FTMT: variants seen among roughly 807,000 people sequenced by gnomAD.
FTMT encodes the protein ferritin, mitochondrial.
In FTMT, 5 loss-of-function variants were observed where a neutral mutation model predicts 4.9. The observed-to-expected ratio is 1.03, with a 90% CI of 0.54 to 2.16. FTMT has a LOEUF of 2.16. FTMT is among the 30% of genes most tolerant of loss of function. The pLI is 0.01. For missense variants in FTMT, 393 were observed against 323.0 expected (o/e 1.22, Z -1.66); for synonymous variants, 174 against 143.6 (o/e 1.21, Z -1.51).
rs761517211 is a variant in FTMT, at chr5:121,851,915, C to A, written c.-49C>A. ...CTGACGCCTCCAGCGCCCGACCCCA[C>A]GCCAAGAGGGCCGGGCCTCAGTTTC... On this transcript the variant is annotated 5_prime_UTR_variant, in exon 1 of 1. Coordinates refer to ENST00000321339, the MANE Select transcript of FTMT (RefSeq NM_177478.2). 5 of 1,525,276 alleles carry A rather than the reference C, an allele frequency of 3.3e-6. No individual in the cohort carries two copies. In the Admixed American group the frequency reaches 6.0e-5, roughly 18 times the overall value. The allele number at this position is 1,525,276 out of a possible 1,614,324, so 94.5% of individuals were successfully genotyped here. A position where few individuals can be genotyped will look rare whatever the true frequency, so the allele number is the denominator to read the frequency against.
Position 121,852,380 on chromosome 5 carries a change from G to T in FTMT, c.417G>T (p.Arg139=), listed in dbSNP as rs1713864610. ...GGCTGCAGAACCAGCGAGGAGGCCG[G>T]ATCCGCCTGCAGGACATCAAGAAGC... ...LMRLQNQRGG[R]IRLQDIKKPE... The change falls in exon 1 of 1, where the codon CGG becomes CGT. Residue 139 remains arginine, a synonymous_variant. Transcript: ENST00000321339. The T allele has an allele frequency of 6.8e-6, 11 of 1,614,034 alleles. No homozygotes were observed. Among genetic ancestry groups the T allele is most frequent in the African/African-American group, 1.3e-5 (1 of 74,926 alleles).
In FTMT at chr5:121,852,332, C is replaced by G; in HGVS notation, c.369C>G (p.Thr123=). 5 of 1,614,144 alleles carry G rather than the reference C, an allele frequency of 3.1e-6. No homozygotes were observed. The highest frequency in any genetic ancestry group is 4.2e-6 in the Non-Finnish European group (5 of 1,180,028). ...TCCTTCACCAGTCCCGGGAGGAGAC[C>G]GAGCACGCGGAGAAGCTGATGAGGC... ...RYFLHQSREE[T]EHAEKLMRLQ... is the part of the protein sequence containing the mutation. Residue 123 remains threonine, a synonymous_variant, in exon 1 of 1, where the codon ACC becomes ACG. Transcript: ENST00000321339.
Position 121,852,224 on chromosome 5 carries a change from G to T in FTMT, c.261G>T (p.Glu87Asp). The T allele has an allele frequency of 6.2e-7, 1 of 1,614,162 alleles. No individual in the cohort carries two copies. The highest frequency in any genetic ancestry group is 8.5e-7 in the Non-Finnish European group (1 of 1,180,018). Residue 87 changes from glutamate (E) to aspartate (D), a missense_variant, in exon 1 of 1, where the codon GAG (glutamate) becomes GAT (aspartate). Transcript: ENST00000321339. ...CCATCAACCGCCAGATCAACCTCGA[G>T]CTCTATGCGTCCTACGTGTACTTGT... is the stretch of plus-strand genomic sequence containing the variant. ...EAAINRQINL[E>D]LYASYVYLSM...
chr5:121,852,583 A>G lies in FTMT; in HGVS notation c.620A>G (p.Glu207Gly). Reference protein sequence around the residue: ...YLNEQVKSIKELGDHVHNLVK... With the variant: ...YLNEQVKSIKGLGDHVHNLVK... The stretch of plus-strand genomic sequence containing the variant: ...AATGAGCAGGTGAAGTCTATCAAAG[A>G]ACTAGGTGACCACGTGCACAACTTA... Residue 207 changes from glutamate (E) to glycine (G), a missense_variant, in exon 1 of 1, where the codon GAA (glutamate) becomes GGA (glycine). Physicochemically the swap from Glu to Gly is moderately conservative, Grantham distance 98. Transcript: ENST00000321339. 1 of 1,614,054 alleles carries G rather than the reference A, an allele frequency of 6.2e-7. No homozygotes were observed.
Position 121,852,259 on chromosome 5 carries a change from A to G in FTMT, c.296A>G (p.Tyr99Cys). The G allele has an allele frequency of 1.9e-6, 3 of 1,613,980 alleles. No individual in the cohort carries two copies. Among genetic ancestry groups the G allele is most frequent in the Non-Finnish European group, 2.5e-6 (3 of 1,179,984 alleles). ...YASYVYLSMA[Y>C]YFSRDDVALN... ...TCCTACGTGTACTTGTCCATGGCCTATTACTTCTCCCGGGATGACGTGGCC... is the reference window on the plus strand; with the variant it reads ...TCCTACGTGTACTTGTCCATGGCCTGTTACTTCTCCCGGGATGACGTGGCC... The change falls in exon 1 of 1, where the codon TAT (tyrosine) becomes TGT (cysteine). Residue 99 changes from tyrosine (Y) to cysteine (C), a missense_variant. By Grantham distance (194) the Tyr-to-Cys change is radical (BLOSUM62 -2). Transcript: ENST00000321339.
rs1358233721 is a variant in FTMT, at chr5:121,852,452, T to C, written c.489T>C (p.Ala163=). Residue 163 remains alanine (A), a synonymous_variant, in exon 1 of 1, where the codon GCT becomes GCC. Transcript: ENST00000321339. ...GCGGGCTGCATGCCATGGAGTGTGC[T>C]CTACTCTTGGAAAAGAACGTGAACC... is the stretch of plus-strand genomic sequence containing the variant. ...WESGLHAMEC[A]LLLEKNVNQS... The C allele has an allele frequency of 2.5e-6, 4 of 1,614,080 alleles. No individual in the cohort carries two copies. The highest frequency in any genetic ancestry group is 2.7e-5 in the African/African-American group (2 of 75,008).
Position 121,852,202 on chromosome 5 carries a change from T to A in FTMT, c.239T>A (p.Ile80Asn). 3.7e-6 allele frequency: 6 copies of A among 1,614,018 alleles called. No individual in the cohort carries two copies. Among genetic ancestry groups the A allele is most frequent in the Non-Finnish European group, 5.1e-6 (6 of 1,179,956 alleles). The change falls in exon 1 of 1, where the codon ATC becomes AAC. Residue 80 changes from isoleucine to asparagine, a missense_variant. Coordinates refer to ENST00000321339, the MANE Select transcript of FTMT (RefSeq NM_177478.2). ...QNFHPDSEAAINRQINLELYA... is the reference protein window; with the variant it reads ...QNFHPDSEAANNRQINLELYA... ...TTCCACCCCGACTCCGAGGCTGCCA[T>A]CAACCGCCAGATCAACCTCGAGCTC...
chr5:121,852,369 C>A lies in FTMT; in HGVS notation c.406C>A (p.Arg136=), dbSNP rs1436580280. The A allele has an allele frequency of 2.5e-6, 4 of 1,614,022 alleles. No homozygotes were observed. The highest frequency in any genetic ancestry group is 1.3e-5 in the African/African-American group (1 of 74,916). Residue 136 remains arginine, a synonymous_variant, in exon 1 of 1, where the codon CGA becomes AGA. Transcript: ENST00000321339. ...GAAGCTGATGAGGCTGCAGAACCAG[C>A]GAGGAGGCCGGATCCGCCTGCAGGA... ...AEKLMRLQNQ[R]GGRIRLQDIK...
Position 121,852,065 on chromosome 5 carries a change from G to C in FTMT, c.102G>C (p.Pro34=), listed in dbSNP as rs1428528606. The change falls in exon 1 of 1, where the codon CCG becomes CCC. Residue 34 remains proline, a synonymous_variant. Coordinates refer to ENST00000321339, the MANE Select transcript of FTMT (RefSeq NM_177478.2). The stretch of plus-strand genomic sequence containing the variant: ...TCGCGCTCCCGCTGCGTTGGGCCCC[G>C]GGGCGCCCCTTGGACCCCAGGCAGA... ...CCFALPLRWA[P]GRPLDPRQIA... is the part of the protein sequence containing the mutation. 1 of 1,590,376 alleles carries C rather than the reference G, an allele frequency of 6.3e-7. No homozygotes were observed. Among genetic ancestry groups the C allele is most frequent in the Admixed American group, 1.7e-5 (1 of 58,570 alleles).
At position 121,851,957 on chromosome 5, in the gene FTMT, C is replaced by G; in HGVS notation, c.-7C>G. 1 of 1,573,462 alleles carries G rather than the reference C, an allele frequency of 6.4e-7. No individual in the cohort carries two copies. The highest frequency in any genetic ancestry group is 8.6e-7 in the Non-Finnish European group (1 of 1,168,514). On this transcript the variant is annotated 5_prime_UTR_variant, in exon 1 of 1. Coordinates refer to ENST00000321339, the MANE Select transcript of FTMT (RefSeq NM_177478.2). ...CTCAGTTTCCCCACTTCCAAGGAGGCGGCGCTATGCTGTCCTGCTTCAGGC... is the reference window on the plus strand; with the variant it reads ...CTCAGTTTCCCCACTTCCAAGGAGGGGGCGCTATGCTGTCCTGCTTCAGGC...
rs747672938 is a variant in FTMT, at chr5:121,852,295, T to C, written c.332T>C (p.Phe111Ser). 4.3e-6 allele frequency: 7 copies of C among 1,614,112 alleles called. No homozygotes were observed. Among genetic ancestry groups the C allele is most frequent in the Non-Finnish European group, 5.9e-6 (7 of 1,180,026 alleles). ...CGGGATGACGTGGCCTTGAACAACT[T>C]CTCCAGGTATTTCCTTCACCAGTCC... ...FSRDDVALNNFSRYFLHQSRE... is the reference protein window; with the variant it reads ...FSRDDVALNNSSRYFLHQSRE... The change falls in exon 1 of 1, where the codon TTC becomes TCC. Residue 111 changes from phenylalanine to serine, a missense_variant. Physicochemically the swap from Phe to Ser is radical, Grantham distance 155. Coordinates refer to ENST00000321339, the MANE Select transcript of FTMT (RefSeq NM_177478.2).
chr5:121,852,337 A>C lies in FTMT; in HGVS notation c.374A>C (p.His125Pro). 5 of 1,614,172 alleles carry C rather than the reference A, an allele frequency of 3.1e-6. No individual in the cohort carries two copies. Among genetic ancestry groups the C allele is most frequent in the Non-Finnish European group, 4.2e-6 (5 of 1,180,026 alleles). ...FLHQSREETE[H>P]AEKLMRLQNQ... ...CACCAGTCCCGGGAGGAGACCGAGC[A>C]CGCGGAGAAGCTGATGAGGCTGCAG... Residue 125 changes from histidine (H) to proline (P), a missense_variant, in exon 1 of 1, where the codon CAC becomes CCC. Coordinates refer to ENST00000321339, the MANE Select transcript of FTMT (RefSeq NM_177478.2).
chr5:121,852,675 G>C lies in FTMT; in HGVS notation c.712G>C (p.Glu238Gln). The part of the protein sequence containing the change: ...YLFDTHTLGN[E>Q]NKQN ...TTTTGACACACATACCCTTGGAAATGAAAACAAGCAGAACTAAGCCACGAG... is the reference window on the plus strand; with the variant it reads ...TTTTGACACACATACCCTTGGAAATCAAAACAAGCAGAACTAAGCCACGAG... Residue 238 changes from glutamate (E) to glutamine (Q), a missense_variant, in exon 1 of 1, where the codon GAA becomes CAA. Transcript: ENST00000321339. 1 of 1,613,448 alleles carries C rather than the reference G, an allele frequency of 6.2e-7. No individual in the cohort carries two copies. Among genetic ancestry groups the C allele is most frequent in the Non-Finnish European group, 8.5e-7 (1 of 1,179,710 alleles).
In FTMT at chr5:121,852,261, TACTTCTC is replaced by T; in HGVS notation, c.299_305del (p.Tyr100SerfsTer7). 1.2e-6 allele frequency: 2 copies of T among 1,614,162 alleles called. No homozygotes were observed. Among genetic ancestry groups the T allele is most frequent in the South Asian group, 2.2e-5 (2 of 91,080 alleles). On this transcript the variant is annotated frameshift_variant, in exon 1 of 1. Transcript: ENST00000321339. LOFTEE classifies it high-confidence loss of function. ...CTACGTGTACTTGTCCATGGCCTAT[TACTTCTC>T]CCGGGATGACGTGGCCTTGAACAAC...
rs1010977233 is a variant in FTMT at position 121,852,798 on chromosome 5, T to C, written c.*106T>C. 20 of 1,300,322 alleles carry C rather than the reference T, an allele frequency of 1.5e-5. No individual in the cohort carries two copies. Among genetic ancestry groups the C allele is most frequent in the South Asian group, 2.9e-5 (2 of 69,314 alleles). 80.5% of individuals were successfully genotyped at this position (1,300,322 alleles called of 1,614,324 possible). ...CCTCCATCTTTATATTCTTCTGTTATACTATTCCTCCAATAAAGTGATTTG... is the reference window on the plus strand; with the variant it reads ...CCTCCATCTTTATATTCTTCTGTTACACTATTCCTCCAATAAAGTGATTTG... On this transcript the variant is annotated 3_prime_UTR_variant, in exon 1 of 1. Transcript: ENST00000321339.
At position 121,852,569 on chromosome 5, in the gene FTMT, G is replaced by T. The variant is rs1467725142; in HGVS notation, c.606G>T (p.Val202=). The part of the protein sequence containing the change: ...FLETYYLNEQ[V]KSIKELGDHV... Reference sequence around the variant, plus strand: ...AAACCTACTACCTGAATGAGCAGGTGAAGTCTATCAAAGAACTAGGTGACC... The same window carrying T: ...AAACCTACTACCTGAATGAGCAGGTTAAGTCTATCAAAGAACTAGGTGACC... The change falls in exon 1 of 1, where the codon GTG becomes GTT. Residue 202 remains valine (V), a synonymous_variant. Transcript: ENST00000321339. 1 of 1,614,152 alleles carries T rather than the reference G, an allele frequency of 6.2e-7. No homozygotes were observed. The highest frequency in any genetic ancestry group is 1.1e-5 in the South Asian group (1 of 91,074).
rs1204842826 is a variant in FTMT at position 121,852,533 on chromosome 5, C to G, written c.570C>G (p.Cys190Trp). The change falls in exon 1 of 1, where the codon TGC becomes TGG. Residue 190 changes from cysteine to tryptophan, a missense_variant. Coordinates refer to ENST00000321339, the MANE Select transcript of FTMT (RefSeq NM_177478.2). ...LASDKGDPHL[C>W]DFLETYYLNE... is the part of the protein sequence containing the mutation. ...CAGATAAAGGTGACCCCCATTTGTG[C>G]GATTTCCTGGAAACCTACTACCTGA... The G allele has an allele frequency of 1.2e-6, 2 of 1,614,056 alleles. No homozygotes were observed. The highest frequency in any genetic ancestry group is 3.3e-5 in the Admixed American group (2 of 60,012).
chr5:121,852,486 C>A lies in FTMT; in HGVS notation c.523C>A (p.Leu175Met). The part of the protein sequence containing the change: ...LLEKNVNQSL[L>M]ELHALASDKG... ...GGAAAAGAACGTGAACCAGTCGTTGCTGGAATTGCACGCTCTAGCCTCAGA... is the reference window on the plus strand; with the variant it reads ...GGAAAAGAACGTGAACCAGTCGTTGATGGAATTGCACGCTCTAGCCTCAGA... The change falls in exon 1 of 1, where the codon CTG becomes ATG. Residue 175 changes from leucine to methionine, a missense_variant. Leu to Met is a conservative substitution (Grantham distance 15, BLOSUM62 2). Transcript: ENST00000321339. The A allele has an allele frequency of 6.2e-7, 1 of 1,614,054 alleles. No individual in the cohort carries two copies. The highest frequency in any genetic ancestry group is 2.2e-5 in the East Asian group (1 of 44,860).
In FTMT at chr5:121,852,588, G is replaced by C. The variant is rs1326615172; in HGVS notation, c.625G>C (p.Gly209Arg). 1 of 1,614,106 alleles carries C rather than the reference G, an allele frequency of 6.2e-7. No homozygotes were observed. The highest frequency in any genetic ancestry group is 2.2e-5 in the East Asian group (1 of 44,860). Residue 209 changes from glycine (G) to arginine (R), a missense_variant, in exon 1 of 1, where the codon GGT becomes CGT. By Grantham distance (125) the Gly-to-Arg change is moderately radical (BLOSUM62 -2). Transcript: ENST00000321339. The stretch of plus-strand genomic sequence containing the variant: ...GCAGGTGAAGTCTATCAAAGAACTA[G>C]GTGACCACGTGCACAACTTAGTGAA... ...NEQVKSIKEL[G>R]DHVHNLVKMG...
Sources: allele counts gnomAD v4.1 joint callset, GRCh38; gene constraint gnomAD v4.1.1; transcripts MANE v1.5; gene names NCBI Gene and HGNC (gene_info 2026-07-23, HGNC 2026-07-21).